The following PITPNM3 variants were observed in gnomAD, a reference collection of about 807,000 sequenced individuals.
The protein encoded by PITPNM3 is membrane-associated phosphatidylinositol transfer protein 3.
A neutral mutation model predicts 102.0 loss-of-function variants in PITPNM3; 26 were observed. The ratio of observed to expected loss-of-function variants is 0.25; its 90% confidence interval spans 0.19 to 0.35. The LOEUF is 0.35. Ranked by LOEUF, PITPNM3 falls within the 10% of genes least tolerant of loss-of-function variation. The probability of loss-of-function intolerance (pLI) is 1.00; values close to 1 mark genes in which losing one functional copy is unlikely to be tolerated. For missense variants in PITPNM3, 1,083 were observed against 1,346.1 expected (o/e 0.80, Z 3.06); for synonymous variants, 578 against 558.6 (o/e 1.03, Z -0.49).
intron 3 of PITPNM3, among the ~76,000 whole-genome samples, chr17:6,509,902 G>A (rs936607316): frequency 2.0e-5 from 3 of 152,066 alleles, no homozygotes; most frequent in Non-Finnish European, 4.4e-5. Flanking sequence ...CCTCAGCCTG[G>A]CATTCAAGGC....
chr17:6,523,651 T>C (rs1200727912), intron 3 of PITPNM3, among the ~76,000 whole-genome samples: 2 of 152,194 alleles, frequency 1.3e-5, no homozygotes, highest in African/African-American at 2.4e-5. Context: ...CTACAAGCAC[T>C]ATTGTGGGGC....
chr17:6,481,568 T>G (rs1394599396), intron 6 of PITPNM3: 1 of 152,114 alleles, frequency 6.6e-6, no homozygotes, highest in Non-Finnish European at 1.5e-5. Flanking sequence ...CAGCCAGGAC[T>G]CAAATCCAGG....
chr17:6,471,873 A>T (rs775941062), intron 11 of PITPNM3, among the ~76,000 whole-genome samples: 92 of 152,152 alleles, frequency 6.0e-4, no homozygotes, highest in Non-Finnish European at 1.5e-4. Context: ...TTTCCAGCCT[A>T]GCCGACCTAT....
chr17:6,478,564 T>A lies in PITPNM3; in HGVS notation c.760A>T (p.Ile254Phe). The A allele has an allele frequency of 6.2e-7, 1 of 1,613,850 alleles. No homozygotes were observed. The highest frequency in any genetic ancestry group is 8.5e-7 in the Non-Finnish European group (1 of 1,179,970). Residue 254 changes from isoleucine (I) to phenylalanine (F), a missense_variant, in exon 7 of 20, where the codon ATT becomes TTT. Around this residue, in one of 5 missense-constraint regions of PITPNM3, gnomAD observed 290 missense variants for 337.8 expected, o/e 0.86. Coordinates refer to ENST00000262483, the MANE Select transcript of PITPNM3 (RefSeq NM_031220.4). This position sits in a 1 kb window ranked among gnomAD's most constrained non-coding sequence, Gnocchi z 4.4. ...YREFLKSSDG[I>F]GFSGQVCLIG... ...TGTCCTACCTGCCCACTGAAGCCAA[T>A]CCCATCAGAGGACTTCAGGAACTCT...
In PITPNM3 at chr17:6,478,643, C is replaced by T. The variant is rs145074426; in HGVS notation, c.681G>A (p.Pro227=). The change falls in exon 7 of 20, where the codon CCG becomes CCA. Residue 227 remains proline, a synonymous_variant. Coordinates refer to ENST00000262483, the MANE Select transcript of PITPNM3 (RefSeq NM_031220.4). This position sits in a 1 kb window ranked among gnomAD's most constrained non-coding sequence, Gnocchi z 4.4. ...AALPLLAISS[P]QYQDAVATVI... ...CGGTGGCGACAGCATCCTGGTACTG[C>T]GGGGAGGAGATGGCCAACAGGGGAA... The T allele has an allele frequency of 9.5e-5, 153 of 1,613,792 alleles. No homozygotes were observed. The highest frequency in any genetic ancestry group is 1.6e-4 in the Middle Eastern group (1 of 6,062).
rs1909529245 is a variant in PITPNM3, at chr17:6,537,925, C to A, written c.118+62G>T. The stretch of plus-strand genomic sequence containing the variant: ...AGGGATGCGGACCCCCAAATGGGAT[C>A]TTCTTCTTGAGGCTTCTAGGAAGGT... On this transcript the variant is annotated intron_variant, in intron 2 of 19. Coordinates refer to ENST00000262483, the MANE Select transcript of PITPNM3 (RefSeq NM_031220.4). The surrounding 1 kb of genome is among the most constrained non-coding windows in gnomAD (Gnocchi z 4.4). 5 of 1,417,344 alleles carry A rather than the reference C, an allele frequency of 3.5e-6. No individual in the cohort carries two copies. Among genetic ancestry groups the A allele is most frequent in the Non-Finnish European group, 5.0e-6 (5 of 1,008,260 alleles). The allele number at this position is 1,417,344 out of a possible 1,614,324, so 87.8% of individuals were successfully genotyped here. A position where few individuals can be genotyped will look rare whatever the true frequency, so the allele number is the denominator to read the frequency against.
At chr17:6,493,602 T>TG (rs1233317987) in intron 4 of PITPNM3, among the ~76,000 whole-genome samples, 40 of 152,284 alleles carry the variant, frequency 2.6e-4, no homozygotes, top group Non-Finnish European at 1.6e-4. Context: ...GGAGGGAAGT[T>TG]TCATCCAGAG....
chr17:6,535,175 C>A, intron 2 of PITPNM3, among the ~76,000 whole-genome samples: 1 of 151,074 alleles, frequency 6.6e-6, no homozygotes, highest in East Asian at 1.9e-4. Context: ...CATGCTCAAG[C>A]GGAAGACAGA....
chr17:6,552,363 TG>T (rs573117844), intron 1 of PITPNM3, among the ~76,000 whole-genome samples: 117 of 151,872 alleles, frequency 7.7e-4, no homozygotes, highest in African/African-American at 2.6e-3. Context: ...CCTGTTGGGG[TG>T]CAGAGGGAGG....
rs554684663 is a variant in PITPNM3, at chr17:6,492,065, C to CTTTTT, written c.275-7778_275-7774dup. On this transcript the variant is annotated intron_variant, in intron 4 of 19. Coordinates refer to ENST00000262483, the MANE Select transcript of PITPNM3 (RefSeq NM_031220.4). ...GTATGTGTCATGTTTATGCAAGGAACTTTTTTTTTTTTTTTTTGAGACAGA... is the reference window on the plus strand; with the variant it reads ...GTATGTGTCATGTTTATGCAAGGAACTTTTTTTTTTTTTTTTTTTTTTGAGACAGA... 6.5e-5 allele frequency among the ~76,000 whole-genome samples: 9 copies of CTTTTT among 137,548 alleles called. No homozygotes were observed. The South Asian group carries it at 2.1e-3, about 32-fold the overall frequency. 90.2% of individuals were successfully genotyped at this position (137,548 alleles called of 152,430 possible).
chr17:6,550,183 A>C (rs1910233953), intron 1 of PITPNM3, among the ~76,000 whole-genome samples: 1 of 152,238 alleles, frequency 6.6e-6, no homozygotes, highest in Non-Finnish European at 1.5e-5. Flanking sequence ...TCGTTAGACA[A>C]GTTAGCTCCC....
intron 17 of PITPNM3, 63 bp downstream of exon 17, chr17:6,463,668 TC>T: frequency 6.4e-7 from 1 of 1,569,756 alleles, no homozygotes. Context: ...ACAACATATT[TC>T]CCCCAGGGCT....
intron 1 of PITPNM3, among the ~76,000 whole-genome samples, chr17:6,541,414 C>T (rs377740547): frequency 4.0e-5 from 6 of 151,858 alleles, no homozygotes; most frequent in African/African-American, 1.2e-4. Flanking sequence ...GGTAAATTCC[C>T]GTATGAGCTT....
rs2150732779 is a variant in PITPNM3, at chr17:6,478,878, G to C, written c.588-142C>G. 1.3e-6 allele frequency: 1 copy of C among 783,740 alleles called. No homozygotes were observed. Among genetic ancestry groups the C allele is most frequent in the South Asian group, 1.8e-5 (1 of 55,090 alleles). The allele number at this position is 783,740 out of a possible 1,614,324, so 48.5% of individuals were successfully genotyped here. A position where few individuals can be genotyped will look rare whatever the true frequency, so the allele number is the denominator to read the frequency against. The stretch of plus-strand genomic sequence containing the variant: ...TTCAGGAAGACCCAGGCAGGAGCCT[G>C]GTGACACAGAGCACAGGCAGTGTGG... On this transcript the variant is annotated intron_variant, in intron 6 of 19. Transcript: ENST00000262483. The surrounding 1 kb of genome is among the most constrained non-coding windows in gnomAD (Gnocchi z 4.4).
In PITPNM3 at chr17:6,470,544, T is replaced by C; in HGVS notation, c.1625-136A>G. 1 of 1,166,178 alleles carries C rather than the reference T, an allele frequency of 8.6e-7. No homozygotes were observed. The allele number at this position is 1,166,178 out of a possible 1,614,324, so 72.2% of individuals were successfully genotyped here. A position where few individuals can be genotyped will look rare whatever the true frequency, so the allele number is the denominator to read the frequency against. On this transcript the variant is annotated intron_variant, in intron 12 of 19. Transcript: ENST00000262483. The surrounding 1 kb of genome is among the most constrained non-coding windows in gnomAD (Gnocchi z 4.8). Reference sequence around the variant, plus strand: ...GGGTTTGGGCGGGAGCACCCTGGCCTGGAGGAGGCCTGGGGAACGCGCTGC... The same window carrying C: ...GGGTTTGGGCGGGAGCACCCTGGCCCGGAGGAGGCCTGGGGAACGCGCTGC...
intron 3 of PITPNM3, among the ~76,000 whole-genome samples, chr17:6,507,687 C>A (rs1907618561): frequency 1.3e-5 from 2 of 152,190 alleles, no homozygotes; most frequent in African/African-American, 4.8e-5. Context: ...TGGCCCTGAG[C>A]CCTGACTATA....
chr17:6,472,978 G>A lies in PITPNM3; in HGVS notation c.1259-151C>T, dbSNP rs777134030. On this transcript the variant is annotated intron_variant, in intron 10 of 19. Transcript: ENST00000262483. This position sits in a 1 kb window ranked among gnomAD's most constrained non-coding sequence, Gnocchi z 4.1. ...CTCCCCACGGGAACAAAGCCATTACGTTCAGTTTGTCTCCCCACCCAGGAG... is the reference window on the plus strand; with the variant it reads ...CTCCCCACGGGAACAAAGCCATTACATTCAGTTTGTCTCCCCACCCAGGAG... The A allele has an allele frequency of 9.0e-5, 88 of 981,818 alleles. 1 individual carries two copies. In the South Asian group the frequency reaches 9.4e-4, roughly 10 times the overall value. The allele number at this position is 981,818 out of a possible 1,614,324, so 60.8% of individuals were successfully genotyped here.
rs1908261558 is a variant in PITPNM3 at position 6,517,610 on chromosome 17, G to C, written c.226+7746C>G. ...GGGCTCATTCTGTCACCCAGGCTGG[G>C]TTGCAGTGGAGCAAGCATGGCTCAC... On this transcript the variant is annotated intron_variant, in intron 3 of 19. Transcript: ENST00000262483. This position sits in a 1 kb window ranked among gnomAD's most constrained non-coding sequence, Gnocchi z 4.1. Among the ~76,000 whole-genome samples, 1 of 151,962 alleles carries C rather than the reference G, an allele frequency of 6.6e-6. No homozygotes were observed. The highest frequency in any genetic ancestry group is 1.9e-4 in the East Asian group (1 of 5,176).
At chr17:6,482,949 C>G (rs1329429681) in intron 6 of PITPNM3, among the ~76,000 whole-genome samples, 1 of 144,314 alleles carries the variant, frequency 6.9e-6, no homozygotes, top group Non-Finnish European at 1.5e-5. Context: ...CACTCCGTGT[C>G]TTTTTTTTTT....
Sources: allele counts gnomAD v4.1 joint callset (sites outside exome capture counted in the v4.1 genomes callset), GRCh38; gene constraint gnomAD v4.1.1; regional missense constraint gnomAD v4.1.1; non-coding constraint Gnocchi (gnomAD v3.1); transcripts MANE v1.5; gene names NCBI Gene and HGNC (gene_info 2026-07-23, HGNC 2026-07-21).